LYZL2: variants seen among roughly 807,000 people sequenced by gnomAD.
LYZL2 encodes the protein lysozyme like 2.
LYZL2 carries 13 observed loss-of-function variants against 17.1 expected under a neutral mutation model. The observed-to-expected ratio is 0.76, with a 90% CI of 0.49 to 1.21. LYZL2 has a LOEUF of 1.21. LYZL2 is among the 50% of genes most tolerant of loss of function. The pLI, the probability that LYZL2 is intolerant of heterozygous loss-of-function variation, is 0.00. For missense variants in LYZL2, 166 were observed against 189.2 expected (o/e 0.88, Z 0.72); for synonymous variants, 63 against 74.4 (o/e 0.85, Z 0.79).
At position 30,626,225 on chromosome 10, in the gene LYZL2, T is replaced by C. The variant is rs377698683; in HGVS notation, c.178A>G (p.Thr60Ala). Reference protein sequence around the residue: ...MAYYESGYNTTAQTVLDDGSI... With the variant: ...MAYYESGYNTAAQTVLDDGSI... ...CCGTCATCCAGGACCGTCTGGGCTG[T>C]GGTGTTGTAGCCGCTCTCATAATAC... The change falls in exon 3 of 5, where the codon ACA becomes GCA. Residue 60 changes from threonine (T) to alanine (A), a missense_variant. Physicochemically the swap from Thr to Ala is moderately conservative, Grantham distance 58 (BLOSUM62 0). Around this residue, in one of 2 missense-constraint regions of LYZL2, gnomAD observed 134 missense variants for 129.4 expected, o/e 1.04. Coordinates refer to ENST00000647634, the MANE Select transcript of LYZL2 (RefSeq NM_183058.3). 2 of 1,614,092 alleles carry C rather than the reference T, an allele frequency of 1.2e-6. No individual in the cohort carries two copies. Among genetic ancestry groups the C allele is most frequent in the African/African-American group, 1.3e-5 (1 of 74,940 alleles).
intron 3 of LYZL2, among the ~76,000 whole-genome samples, chr10:30,620,066 C>G (rs191359929): frequency 2.6e-5 from 4 of 152,250 alleles, no homozygotes; most frequent in Admixed American, 2.0e-4. Flanking sequence ...ATATCATCTT[C>G]TACAAGGAGA....
intron 3 of LYZL2, among the ~76,000 whole-genome samples, chr10:30,614,039 T>C (rs1011077802): frequency 6.6e-6 from 1 of 152,160 alleles, no homozygotes; most frequent in Non-Finnish European, 1.5e-5. Flanking sequence ...GCTTCAGACA[T>C]AACAAATCTT....
At chr10:30,608,201 C>T (rs563479562), downstream of LYZL2, among the ~76,000 whole-genome samples, 1 of 152,320 alleles carries the variant, frequency 6.6e-6, no homozygotes, top group East Asian at 1.9e-4. Flanking sequence ...ACTCAGCCTC[C>T]CCAAGTGCTG....
chr10:30,626,998 G>T, intron 1 of LYZL2, 58 bp from the exon 2 acceptor site: 1 of 1,598,192 alleles, frequency 6.3e-7, no homozygotes, highest in African/African-American at 1.3e-5. Context: ...TCGAAATCCA[G>T]CATCGGTGAC....
chr10:30,621,418 A>G (rs1196168066), intron 3 of LYZL2, among the ~76,000 whole-genome samples: 3 of 147,434 alleles, frequency 2.0e-5, no homozygotes, highest in Admixed American at 6.8e-5. Context: ...CATCTCCACA[A>G]TTTTTTTTTT....
downstream of LYZL2, among the ~76,000 whole-genome samples, chr10:30,611,021 G>C (rs1838425655): frequency 6.6e-6 from 1 of 152,046 alleles, no homozygotes; most frequent in South Asian, 2.1e-4. Context: ...GGTGCTCCTA[G>C]CTCTTAACCT....
intron 3 of LYZL2, among the ~76,000 whole-genome samples, chr10:30,614,515 G>A (rs112139859): frequency 0.11 from 17,333 of 152,280 alleles, 1,061 homozygotes; most frequent in South Asian, 0.18. Flanking sequence ...CACAACTGCA[G>A]CGGGGGCAGC....
At chr10:30,622,113 T>C (rs1011022479) in intron 3 of LYZL2, among the ~76,000 whole-genome samples, 1 of 151,530 alleles carries the variant, frequency 6.6e-6, no homozygotes, top group African/African-American at 2.4e-5. Flanking sequence ...AAAAACAAAA[T>C]AGAAGTATAG....
chr10:30,610,955 G>A (rs1457126153), downstream of LYZL2, among the ~76,000 whole-genome samples: 1 of 151,980 alleles, frequency 6.6e-6, no homozygotes, highest in Admixed American at 6.6e-5. Context: ...TAGGCTTGTG[G>A]GTATGCATAC....
chr10:30,606,532 A>C, the LYZL2 span, among the ~76,000 whole-genome samples: 29 of 152,194 alleles, frequency 1.9e-4, no homozygotes, highest in African/African-American at 6.3e-4. Context: ...TTAGTCACCA[A>C]CGCTTTTTAA....
intron 3 of LYZL2, among the ~76,000 whole-genome samples, chr10:30,619,847 AG>A (rs1160760355): frequency 1.3e-5 from 2 of 152,322 alleles, no homozygotes; most frequent in Admixed American, 1.3e-4. Flanking sequence ...ATTAAAAAAA[AG>A]AAAAGAAAAT....
chr10:30,612,287 A>G (rs541281665), intron 4 of LYZL2, among the ~76,000 whole-genome samples: 7 of 152,164 alleles, frequency 4.6e-5, no homozygotes, highest in Non-Finnish European at 7.4e-5. Flanking sequence ...CATCTGTGAA[A>G]ATTCGGGTTC....
intron 3 of LYZL2, among the ~76,000 whole-genome samples, chr10:30,617,694 A>AAAAG (rs1838555850): frequency 7.3e-6 from 1 of 137,574 alleles, no homozygotes; most frequent in Non-Finnish European, 1.6e-5. Flanking sequence ...AAAAAAAAAA[A>AAAAG]AAAAGAAAAG....
intron 3 of LYZL2, among the ~76,000 whole-genome samples, chr10:30,620,737 T>C (rs945869647): frequency 2.0e-5 from 3 of 152,064 alleles, no homozygotes; most frequent in African/African-American, 7.2e-5. Context: ...ATAAATATGA[T>C]GATTTATATC....
rs755014154 is a variant in LYZL2, at chr10:30,629,648, C to T, written c.-81G>A. 1.1e-5 allele frequency: 18 copies of T among 1,614,046 alleles called. No homozygotes were observed. The highest frequency in any genetic ancestry group is 1.6e-4 in the Middle Eastern group (1 of 6,084). On this transcript the variant is annotated 5_prime_UTR_variant, in exon 1 of 5. Coordinates refer to ENST00000647634, the MANE Select transcript of LYZL2 (RefSeq NM_183058.3). ...GAGGCTGACTTCTCAGTTGAGTCTG[C>T]GGAAGAAACACTGCTCCACTTAGTC... is the stretch of plus-strand genomic sequence containing the variant.
At chr10:30,610,822 C>T (rs377475128), downstream of LYZL2, among the ~76,000 whole-genome samples, 123 of 152,076 alleles carry the variant, frequency 8.1e-4, 1 homozygote, top group South Asian at 0.012. Context: ...TGGAAAATGC[C>T]GAATGCAAAA....
At chr10:30,617,401 C>G (rs190724160) in intron 3 of LYZL2, among the ~76,000 whole-genome samples, 1 of 152,014 alleles carries the variant, frequency 6.6e-6, no homozygotes, top group Non-Finnish European at 1.5e-5. Context: ...GTCGACCGGG[C>G]GCGGCGGCTC....
intron 1 of LYZL2, among the ~76,000 whole-genome samples, chr10:30,627,692 G>A (rs1838737411): frequency 6.6e-6 from 1 of 152,112 alleles, no homozygotes; most frequent in Non-Finnish European, 1.5e-5. Flanking sequence ...GTCAGCAGTA[G>A]GCTATTAGTC....
rs80095342 is a variant in LYZL2, at chr10:30,620,620, G to A, written c.298+5485C>T. On this transcript the variant is annotated intron_variant, in intron 3 of 4. Coordinates refer to ENST00000647634, the MANE Select transcript of LYZL2 (RefSeq NM_183058.3). ...TATTCAATAAAAAATTATTCCATGC[G>A]CAGAGGCAGAGAAATGTGACACATA... 9.9e-5 allele frequency among the ~76,000 whole-genome samples: 15 copies of A among 152,116 alleles called. No homozygotes were observed. In the East Asian group the frequency reaches 2.1e-3, roughly 22 times the overall value.
Sources: allele counts gnomAD v4.1 joint callset (sites outside exome capture counted in the v4.1 genomes callset), GRCh38; gene constraint gnomAD v4.1.1; regional missense constraint gnomAD v4.1.1; transcripts MANE v1.5; gene names NCBI Gene and HGNC (gene_info 2026-07-23, HGNC 2026-07-21).